The following PDE4B variants were observed in gnomAD, a reference collection of about 807,000 sequenced individuals.
PDE4B encodes phosphodiesterase 4B.
Under a neutral mutation model 82.2 loss-of-function variants are expected in PDE4B, and 20 were observed. That is an observed-to-expected ratio of 0.24 (90% CI 0.17 to 0.35). The LOEUF is 0.35. Ranked by LOEUF, PDE4B falls within the 10% of genes least tolerant of loss-of-function variation. The probability of loss-of-function intolerance (pLI) is 1.00; values close to 1 mark genes in which losing one functional copy is unlikely to be tolerated. For synonymous variants in PDE4B, 320 were observed against 318.9 expected (o/e 1.00, Z -0.04); for missense variants, 655 against 907.2 (o/e 0.72, Z 3.57).
At chr1:66,184,956 A>T (rs149602190) in intron 3 of PDE4B, among the ~76,000 whole-genome samples, 14 of 152,058 alleles carry the variant, frequency 9.2e-5, no homozygotes, top group African/African-American at 3.4e-4. Flanking sequence ...GTCATTTAAC[A>T]TTAGGTATAT....
intron 3 of PDE4B, among the ~76,000 whole-genome samples, chr1:66,159,254 T>G (rs952031028): frequency 3.3e-5 from 5 of 152,132 alleles, no homozygotes; most frequent in Admixed American, 6.5e-5. Flanking sequence ...ACTTTTTTTT[T>G]TTTTTTGAGA....
intron 3 of PDE4B, among the ~76,000 whole-genome samples, chr1:65,965,517 GA>G (rs752233091): frequency 4.2e-5 from 1 of 24,048 alleles, no homozygotes. Context: ...GGAATCTTGT[GA>G]TTTTTTTTTT....
At chr1:66,217,375 G>A (rs531643072) in intron 3 of PDE4B, among the ~76,000 whole-genome samples, 25 of 152,238 alleles carry the variant, frequency 1.6e-4, no homozygotes, top group Admixed American at 1.2e-3. Context: ...TGCTAGGCCT[G>A]AAGAAGCAGG....
intron 1 of PDE4B, among the ~76,000 whole-genome samples, chr1:65,865,237 C>T (rs1009656187): frequency 6.6e-6 from 1 of 152,204 alleles, no homozygotes; most frequent in African/African-American, 2.4e-5. Context: ...CCACACCAAG[C>T]TCTATGGTCC....
intron 3 of PDE4B, among the ~76,000 whole-genome samples, chr1:65,962,016 G>A (rs1300879619): frequency 6.6e-6 from 1 of 152,098 alleles, no homozygotes; most frequent in African/African-American, 2.4e-5. Flanking sequence ...TGAAAATATT[G>A]TTAGTCGAAA....
At chr1:66,235,823 T>G (rs1009933765) in intron 3 of PDE4B, among the ~76,000 whole-genome samples, 3 of 152,142 alleles carry the variant, frequency 2.0e-5, no homozygotes, top group Non-Finnish European at 4.4e-5. Flanking sequence ...GAGCAAAGGA[T>G]TTTTTCAGAA....
intron 7 of PDE4B, among the ~76,000 whole-genome samples, chr1:66,318,176 C>T (rs1204991156): frequency 1.3e-5 from 2 of 152,174 alleles, no homozygotes; most frequent in East Asian, 3.8e-4. Context: ...ACTTTGAATT[C>T]AGGCTGGATT....
At chr1:66,276,511 C>A (rs948508726) in intron 7 of PDE4B, among the ~76,000 whole-genome samples, 18 of 152,214 alleles carry the variant, frequency 1.2e-4, no homozygotes, top group African/African-American at 3.6e-4. Context: ...GACTGGACTA[C>A]CAACAACCTT....
At chr1:66,244,494 G>A (rs1384060528) in intron 3 of PDE4B, among the ~76,000 whole-genome samples, 2 of 152,104 alleles carry the variant, frequency 1.3e-5, no homozygotes, top group African/African-American at 4.8e-5. Context: ...CAGTTTGTGT[G>A]GTATATTCAT....
At chr1:66,177,863 C>T (rs1437543181) in intron 3 of PDE4B, among the ~76,000 whole-genome samples, 1 of 151,866 alleles carries the variant, frequency 6.6e-6, no homozygotes, top group African/African-American at 2.4e-5. Context: ...TTACAGGAGT[C>T]GATACAGGCT....
At chr1:66,322,537 A>T (rs944674184) in intron 7 of PDE4B, among the ~76,000 whole-genome samples, 1 of 152,176 alleles carries the variant, frequency 6.6e-6, no homozygotes, top group African/African-American at 2.4e-5. Flanking sequence ...GAAGACATTG[A>T]TGCAGCCAAC....
At chr1:65,970,433 A>G (rs551474543) in intron 3 of PDE4B, among the ~76,000 whole-genome samples, 1 of 152,216 alleles carries the variant, frequency 6.6e-6, no homozygotes, top group East Asian at 1.9e-4. Flanking sequence ...AGTGTAATAT[A>G]TTGCTGTCAA....
intron 7 of PDE4B, among the ~76,000 whole-genome samples, chr1:66,294,606 G>A (rs999507302): frequency 1.3e-5 from 2 of 152,120 alleles, no homozygotes; most frequent in East Asian, 1.9e-4. Context: ...CAGTAAAAGA[G>A]ATAAAAGAAA....
chr1:66,138,873 G>C (rs779956577), intron 3 of PDE4B, among the ~76,000 whole-genome samples: 37 of 152,152 alleles, frequency 2.4e-4, no homozygotes, highest in Non-Finnish European at 3.4e-4. Context: ...CACTGGGATA[G>C]GTTCTACTAA....
intron 3 of PDE4B, among the ~76,000 whole-genome samples, chr1:66,128,227 A>G (rs1645864085): frequency 6.6e-6 from 1 of 152,232 alleles, no homozygotes; most frequent in African/African-American, 2.4e-5. Context: ...TGTTTTCTGC[A>G]AGAAAATTCC....
At chr1:66,049,266 A>C (rs1654887686) in intron 3 of PDE4B, among the ~76,000 whole-genome samples, 1 of 152,046 alleles carries the variant, frequency 6.6e-6, no homozygotes, top group Non-Finnish European at 1.5e-5. Context: ...CATTTCAGAT[A>C]TTGTGAATGG....
chr1:66,136,697 CAAAAAAAAAAAA>C (rs5774802), intron 3 of PDE4B, among the ~76,000 whole-genome samples: 3 of 61,560 alleles, frequency 4.9e-5, no homozygotes, highest in Non-Finnish European at 8.5e-5. Context: ...GACTCCCTCT[CAAAAAAAAAAAA>C]AAAAAAAAAA....
chr1:65,900,583 A>G (rs757496349), intron 1 of PDE4B, among the ~76,000 whole-genome samples: 42 of 152,160 alleles, frequency 2.8e-4, no homozygotes, highest in Non-Finnish European at 7.4e-5. Context: ...TCTCAAATCT[A>G]TGAGCATGGA....
intron 1 of PDE4B, among the ~76,000 whole-genome samples, chr1:65,848,863 A>T (rs1324249602): frequency 6.6e-6 from 1 of 152,144 alleles, no homozygotes; most frequent in Non-Finnish European, 1.5e-5. Flanking sequence ...TAATAGTCTT[A>T]TTGTGGATGG....
Sources: allele counts gnomAD v4.1 joint callset (sites outside exome capture counted in the v4.1 genomes callset), GRCh38; gene constraint gnomAD v4.1.1; transcripts MANE v1.5; gene names NCBI Gene and HGNC (gene_info 2026-07-23, HGNC 2026-07-21).